NFATC1: variants seen among roughly 807,000 people sequenced by gnomAD.
NFATC1 encodes the protein nuclear factor of activated T-cells, cytoplasmic 1.
In NFATC1, 22 loss-of-function variants were observed where a neutral mutation model predicts 76.0. The ratio of observed to expected loss-of-function variants is 0.29; its 90% CI spans 0.21 to 0.41. The LOEUF is 0.41. NFATC1 is among the 10% of genes least tolerant of loss of function. The pLI is 1.00. For missense variants in NFATC1, 1,357 were observed against 1,337.7 expected (o/e 1.01, Z -0.23); for synonymous variants, 704 against 613.1 (o/e 1.15, Z -2.19).
rs1485679561 is a variant in NFATC1, at chr18:79,451,056, C to A, written c.1692C>A (p.Phe564Leu). ...AGAACACACGGGTACGGCTGGTGTT[C>A]CGCGTTCACGTCCCGCAACCCAGCG... ...GRKNTRVRLV[F>L]RVHVPQPSGR... The change falls in exon 5 of 10, where the codon TTC becomes TTA. Residue 564 changes from phenylalanine (F) to leucine (L), a missense_variant. Transcript: ENST00000427363. 6.2e-7 allele frequency: 1 copy of A among 1,613,276 alleles called. No homozygotes were observed. Among genetic ancestry groups the A allele is most frequent in the Admixed American group, 1.7e-5 (1 of 60,028 alleles).
chr18:79,518,070 C>T (rs1190057602), intron 9 of NFATC1, among the ~76,000 whole-genome samples: 7 of 152,218 alleles, frequency 4.6e-5, no homozygotes, highest in Non-Finnish European at 8.8e-5. Flanking sequence ...CTGAGGGCGT[C>T]GTTGTCTGTG....
intron 9 of NFATC1, chr18:79,516,197 C>A (rs893764989): frequency 6.6e-6 from 1 of 152,180 alleles, no homozygotes; most frequent in African/African-American, 2.4e-5. Context: ...CTCCCCACCA[C>A]CAGCTGCGTC....
At chr18:79,404,058 GT>G (rs948437043) in intron 1 of NFATC1, among the ~76,000 whole-genome samples, 9 of 152,204 alleles carry the variant, frequency 5.9e-5, no homozygotes, top group African/African-American at 2.2e-4. Flanking sequence ...TCTGTGTCGT[GT>G]TTTTCAAAGG....
intron 3 of NFATC1, among the ~76,000 whole-genome samples, chr18:79,441,027 T>C (rs1279812355): frequency 6.6e-6 from 1 of 152,172 alleles, no homozygotes; most frequent in African/African-American, 2.4e-5. Context: ...CCGGGCCTTG[T>C]CTGTGGACAG....
chr18:79,401,379 C>T (rs2085249291), intron 1 of NFATC1, among the ~76,000 whole-genome samples: 1 of 152,180 alleles, frequency 6.6e-6, no homozygotes, highest in African/African-American at 2.4e-5. Context: ...ACGTCTTGAT[C>T]ATTTTTTGAA....
At chr18:79,431,334 G>A (rs1400429915) in intron 2 of NFATC1, among the ~76,000 whole-genome samples, 2 of 152,122 alleles carry the variant, frequency 1.3e-5, no homozygotes, top group Non-Finnish European at 2.9e-5. Flanking sequence ...CTCTTTAAAC[G>A]AGTCTTCTAT....
At chr18:79,517,472 A>G (rs1341736055) in intron 9 of NFATC1, among the ~76,000 whole-genome samples, 1 of 152,164 alleles carries the variant, frequency 6.6e-6, no homozygotes, top group Non-Finnish European at 1.5e-5. Flanking sequence ...GTCCAGTGGG[A>G]CGGTGGGCCT....
intron 2 of NFATC1, among the ~76,000 whole-genome samples, chr18:79,429,214 C>T (rs2144639065): frequency 8.2e-6 from 1 of 122,694 alleles, no homozygotes; most frequent in South Asian, 2.6e-4. Context: ...GAGCGGGACT[C>T]CGTCTCAAAA....
chr18:79,405,739 G>A (rs573990890), intron 1 of NFATC1, among the ~76,000 whole-genome samples: 1 of 152,254 alleles, frequency 6.6e-6, no homozygotes, highest in African/African-American at 2.4e-5. Context: ...CAGGGAAAAC[G>A]CATGCTTAGG....
rs562255791 is a variant in NFATC1 at position 79,473,903 on chromosome 18, TTG to T, written c.2092+6324_2092+6325del. Among the ~76,000 whole-genome samples, 40 of 144,004 alleles carry T rather than the reference TTG, an allele frequency of 2.8e-4. 1 individual carries two copies. In the South Asian group the frequency reaches 7.4e-3, roughly 27 times the overall value. The allele number at this position is 144,004 out of a possible 152,430, so 94.5% of individuals were successfully genotyped here. On this transcript the variant is annotated intron_variant, in intron 8 of 9. Coordinates refer to ENST00000427363, the MANE Select transcript of NFATC1 (RefSeq NM_001278669.2). ...CGTGTTCTCACACTCACTGTCGACG[TTG>T]TGAGGGAAGCGTGTTCTCACGCTCA...
At chr18:79,434,144 C>T (rs2086691544) in intron 3 of NFATC1, among the ~76,000 whole-genome samples, 1 of 152,230 alleles carries the variant, frequency 6.6e-6, no homozygotes, top group African/African-American at 2.4e-5. Context: ...TGCAGGATCC[C>T]ATACTCTGGG....
Position 79,501,519 on chromosome 18 carries a change from G to A in NFATC1, c.2782+14582G>A, listed in dbSNP as rs186811897. ...TAAGAAACAGAAATAAAAGGCAACC[G>A]GAATGGACAGGAAAAAGTAAAATTG... On this transcript the variant is annotated intron_variant, in intron 9 of 9. Coordinates refer to ENST00000427363, the MANE Select transcript of NFATC1 (RefSeq NM_001278669.2). Among the ~76,000 whole-genome samples, 24 of 152,232 alleles carry A rather than the reference G, an allele frequency of 1.6e-4. No homozygotes were observed. The East Asian group carries it at 4.1e-3, about 26-fold the overall frequency.
At chr18:79,438,555 A>G (rs919179206) in intron 3 of NFATC1, among the ~76,000 whole-genome samples, 4 of 152,208 alleles carry the variant, frequency 2.6e-5, no homozygotes, top group Non-Finnish European at 5.9e-5. Context: ...TCGTGTGAAT[A>G]ATTAATAGGT....
At chr18:79,436,458 CG>C (rs982174795) in intron 3 of NFATC1, among the ~76,000 whole-genome samples, 126 of 151,258 alleles carry the variant, frequency 8.3e-4, no homozygotes, top group African/African-American at 3.0e-3. Flanking sequence ...GGCGGGGGGC[CG>C]GGGGATGTGG....
At chr18:79,413,670 T>A (rs970314047) in intron 2 of NFATC1, among the ~76,000 whole-genome samples, 1 of 152,248 alleles carries the variant, frequency 6.6e-6, no homozygotes, top group Non-Finnish European at 1.5e-5. Flanking sequence ...CCGGTCTTAC[T>A]GTCGCAGTAA....
intron 6 of NFATC1, among the ~76,000 whole-genome samples, chr18:79,460,869 G>A (rs1185587433): frequency 6.6e-6 from 1 of 152,158 alleles, no homozygotes; most frequent in African/African-American, 2.4e-5. Context: ...ACGCACAGAC[G>A]CCCTGCACAC....
At chr18:79,407,452 T>C (rs944918915) in intron 1 of NFATC1, among the ~76,000 whole-genome samples, 12 of 152,090 alleles carry the variant, frequency 7.9e-5, no homozygotes, top group Non-Finnish European at 1.5e-4. Context: ...ATTGATTTAT[T>C]GATTTATTGA....
intron 2 of NFATC1, among the ~76,000 whole-genome samples, chr18:79,433,092 A>C (rs990391612): frequency 1.3e-5 from 2 of 152,180 alleles, no homozygotes; most frequent in Admixed American, 6.5e-5. Context: ...GTCTTGCAGC[A>C]ATCATGGAAT....
At chr18:79,419,503 GC>G (rs2085996151) in intron 2 of NFATC1, among the ~76,000 whole-genome samples, 1 of 149,034 alleles carries the variant, frequency 6.7e-6, no homozygotes, top group African/African-American at 2.5e-5. Flanking sequence ...GCCGGCACCT[GC>G]CTGCCCGGGA....
Sources: gnomAD v4.1 joint callset for allele counts (sites outside exome capture counted in the v4.1 genomes callset) on GRCh38, gnomAD v4.1.1 for gene constraint, MANE v1.5 for transcripts, NCBI Gene and HGNC (gene_info 2026-07-23, HGNC 2026-07-21) for gene names.